The following IKZF2 variants were observed in gnomAD, a reference collection of about 807,000 sequenced individuals.
IKZF2 encodes the protein zinc finger protein Helios.
A neutral mutation model predicts 49.2 loss-of-function variants in IKZF2; 15 were observed. The ratio of observed to expected loss-of-function variants is 0.30; its 90% CI spans 0.20 to 0.47. The LOEUF (loss-of-function observed/expected upper bound fraction) is 0.47. IKZF2 is among the 20% of genes least tolerant of loss of function. The probability of loss-of-function intolerance (pLI) is 1.00; values close to 1 mark genes in which losing one functional copy is unlikely to be tolerated. For missense variants in IKZF2, 567 were observed against 664.6 expected, an observed-to-expected ratio of 0.85 and a Z score of 1.61; for synonymous variants, 227 against 221.4, an observed-to-expected ratio of 1.03 and a Z score of -0.23.
chr2:213,127,744 C>T (rs191251050), intron 4 of IKZF2, among the ~76,000 whole-genome samples: 96 of 152,250 alleles, frequency 6.3e-4, no homozygotes, highest in African/African-American at 2.2e-3. Flanking sequence ...TCTTTAAGTC[C>T]TATCTATCAT....
intron 6 of IKZF2, among the ~76,000 whole-genome samples, chr2:213,024,856 T>G (rs1467841436): frequency 1.3e-5 from 2 of 152,130 alleles, no homozygotes; most frequent in African/African-American, 2.4e-5. Flanking sequence ...TTGTTTATAC[T>G]TACTCCCTAT....
chr2:213,093,397 T>C (rs1705576910), intron 4 of IKZF2, among the ~76,000 whole-genome samples: 1 of 152,134 alleles, frequency 6.6e-6, no homozygotes. Flanking sequence ...GCGGGGCCTT[T>C]GCACATATAC....
intron 4 of IKZF2, among the ~76,000 whole-genome samples, chr2:213,090,637 T>C (rs926076878): frequency 1.3e-5 from 2 of 152,224 alleles, no homozygotes; most frequent in African/African-American, 4.8e-5. Flanking sequence ...GAAGTCGTAC[T>C]AGAGTAGGGT....
chr2:213,049,955 C>T, intron 5 of IKZF2, 75 bp from the exon 6 acceptor site: 1 of 1,060,912 alleles, frequency 9.4e-7, no homozygotes, highest in Non-Finnish European at 1.3e-6. Flanking sequence ...CACTGTTAAC[C>T]AAAGCCAGTT....
intron 4 of IKZF2, among the ~76,000 whole-genome samples, chr2:213,080,689 G>A (rs1257852776): frequency 6.6e-6 from 1 of 151,902 alleles, no homozygotes; most frequent in Non-Finnish European, 1.5e-5. Context: ...ATTTTTAAAG[G>A]AACAACATTA....
chr2:213,145,180 A>AG (rs1186161968), intron 4 of IKZF2, among the ~76,000 whole-genome samples: 1 of 151,578 alleles, frequency 6.6e-6, no homozygotes, highest in Admixed American at 6.6e-5. Context: ...ACTAAAAAAA[A>AG]AAAAAAAATT....
At chr2:213,108,879 C>T (rs1420956085) in intron 4 of IKZF2, among the ~76,000 whole-genome samples, 1 of 152,062 alleles carries the variant, frequency 6.6e-6, no homozygotes, top group Non-Finnish European at 1.5e-5. Context: ...AAAATGACCA[C>T]TATTCACATT....
At chr2:213,080,628 G>T (rs1364952023) in intron 4 of IKZF2, among the ~76,000 whole-genome samples, 2 of 152,100 alleles carry the variant, frequency 1.3e-5, no homozygotes, top group African/African-American at 2.4e-5. Flanking sequence ...GTTCAGAAAA[G>T]ACTTTTAAAT....
chr2:213,018,845 T>C (rs1304924156), intron 7 of IKZF2, among the ~76,000 whole-genome samples: 2 of 152,166 alleles, frequency 1.3e-5, no homozygotes, highest in Non-Finnish European at 2.9e-5. Flanking sequence ...CAATTTTTAC[T>C]CATCCCTCAT....
At chr2:213,109,793 ATAT>A (rs2059642905) in intron 4 of IKZF2, among the ~76,000 whole-genome samples, 1 of 152,034 alleles carries the variant, frequency 6.6e-6, no homozygotes, top group South Asian at 2.1e-4. Context: ...ATTTTAAATA[ATAT>A]TATCATTTCT....
chr2:213,134,202 A>C (rs2060574911), intron 4 of IKZF2, among the ~76,000 whole-genome samples: 1 of 152,226 alleles, frequency 6.6e-6, no homozygotes, highest in Non-Finnish European at 1.5e-5. Context: ...ATCAGAGGAC[A>C]AAAACTGGAT....
chr2:213,044,870 T>TA (rs1194482009), intron 6 of IKZF2, among the ~76,000 whole-genome samples: 15 of 152,222 alleles, frequency 9.9e-5, no homozygotes. Context: ...CTAAGACCAT[T>TA]AGTTTTTGGT....
chr2:213,076,171 A>T (rs1442257430), intron 4 of IKZF2, among the ~76,000 whole-genome samples: 2 of 152,202 alleles, frequency 1.3e-5, no homozygotes. Flanking sequence ...AACTTCATGA[A>T]ACCCCATTAC....
chr2:213,081,654 G>A (rs1703966868), intron 4 of IKZF2, among the ~76,000 whole-genome samples: 2 of 152,138 alleles, frequency 1.3e-5, no homozygotes, highest in African/African-American at 2.4e-5. Context: ...ATCCCAGAAG[G>A]GGGAATAACA....
intron 6 of IKZF2, among the ~76,000 whole-genome samples, chr2:213,031,151 A>G (rs1286904087): frequency 6.6e-6 from 1 of 152,160 alleles, no homozygotes; most frequent in African/African-American, 2.4e-5. Flanking sequence ...ACTCTTCTTT[A>G]ACAGGATGTG....
intron 6 of IKZF2, among the ~76,000 whole-genome samples, chr2:213,027,152 G>T (rs1190680825): frequency 6.6e-6 from 1 of 151,926 alleles, no homozygotes; most frequent in Admixed American, 6.6e-5. Flanking sequence ...TTATTCATCA[G>T]GTTTAGAGAT....
At chr2:213,008,644 T>C (rs1196564724) in intron 8 of IKZF2, among the ~76,000 whole-genome samples, 1 of 152,054 alleles carries the variant, frequency 6.6e-6, no homozygotes, top group African/African-American at 2.4e-5. Flanking sequence ...TATGATTGAG[T>C]TTATCATATT....
chr2:213,125,550 T>C (rs556003028), intron 4 of IKZF2, among the ~76,000 whole-genome samples: 50 of 152,326 alleles, frequency 3.3e-4, no homozygotes, highest in African/African-American at 1.1e-3. Flanking sequence ...GTAGTGTAAA[T>C]TGTTATACTT....
chr2:213,057,116 A>G lies in IKZF2; in HGVS notation c.140-17T>C. ...CTGAATTTGCTGTAATTTGAAAAGA[A>G]GAAAATAAATTTTAAATACATGTTA... On this transcript the variant is annotated splice_polypyrimidine_tract_variant and intron_variant, in intron 4 of 8. Coordinates refer to ENST00000434687, the MANE Select transcript of IKZF2 (RefSeq NM_001387220.1). 1 of 1,605,274 alleles carries G rather than the reference A, an allele frequency of 6.2e-7. No individual in the cohort carries two copies. The highest frequency in any genetic ancestry group is 1.1e-5 in the South Asian group (1 of 89,666).
Sources: allele counts gnomAD v4.1 joint callset (sites outside exome capture counted in the v4.1 genomes callset), GRCh38; gene constraint gnomAD v4.1.1; transcripts MANE v1.5; gene names NCBI Gene and HGNC (gene_info 2026-07-23, HGNC 2026-07-21).